KANSL3: variants seen among roughly 807,000 people sequenced by gnomAD.
KANSL3 encodes NSL complex protein NSL3.
Under a neutral mutation model 89.2 loss-of-function variants are expected in KANSL3, and 16 were observed. The observed-to-expected ratio is 0.18, with a 90% confidence interval of 0.12 to 0.27. KANSL3 has a LOEUF of 0.27. Among genes scored for constraint, KANSL3 ranks in the 10% least tolerant of loss-of-function variants. The pLI is 1.00. For synonymous variants in KANSL3, 385 were observed against 419.7 expected, an observed-to-expected ratio of 0.92 and a Z score of 1.01; for missense variants, 879 against 1,110.6, an observed-to-expected ratio of 0.79 and a Z score of 2.96.
At chr2:96,633,640 C>T (rs1028061685) in intron 2 of KANSL3, among the ~76,000 whole-genome samples, 2 of 150,916 alleles carry the variant, frequency 1.3e-5, no homozygotes, top group Non-Finnish European at 2.9e-5. Flanking sequence ...CAGAGGCATG[C>T]GGATTGCCTG....
At chr2:96,637,229 ATTTCTC>A in intron 1 of KANSL3, 44 bp from the exon 2 acceptor site, 3 of 714,176 alleles carry the variant, frequency 4.2e-6, no homozygotes, top group Admixed American at 2.8e-5. Context: ...AATATCCTAA[ATTTCTC>A]CCAATCTACA....
chr2:96,608,920 C>G lies in KANSL3; in HGVS notation c.1528G>C (p.Gly510Arg). ...RDLAFEVPER[G>R]SRPASPAAKL... The stretch of plus-strand genomic sequence containing the variant: ...GCAGCTGGGGAGGCAGGTCGACTGC[C>G]CCGCTCAGGGACTTCAAAGGCCAAG... The change falls in exon 13 of 21, where the codon GGC becomes CGC. Residue 510 changes from glycine to arginine, a missense_variant. Coordinates refer to ENST00000431828, the MANE Select transcript of KANSL3 (RefSeq NM_001115016.3). The G allele has an allele frequency of 6.4e-7, 1 of 1,571,610 alleles. No individual in the cohort carries two copies.
chr2:96,600,820 T>C, intron 20 of KANSL3: 2 of 985,422 alleles, frequency 2.0e-6, no homozygotes, highest in Non-Finnish European at 2.4e-6. Flanking sequence ...AACCTAGCTG[T>C]GCCCTAAAAA....
chr2:96,634,825 G>C (rs2074022578), intron 2 of KANSL3, among the ~76,000 whole-genome samples: 1 of 152,192 alleles, frequency 6.6e-6, no homozygotes, highest in Non-Finnish European at 1.5e-5. Flanking sequence ...GTAGCTAAAA[G>C]AGAACTCTTG....
At chr2:96,622,014 C>G (rs754579450) in intron 3 of KANSL3, among the ~76,000 whole-genome samples, 1 of 151,208 alleles carries the variant, frequency 6.6e-6, no homozygotes, top group African/African-American at 2.4e-5. Flanking sequence ...CTTGGGAGGC[C>G]GAGGCAAAAG....
intron 19 of KANSL3, 77 bp downstream of exon 19, chr2:96,602,039 T>C: frequency 7.2e-7 from 1 of 1,395,104 alleles, no homozygotes; most frequent in East Asian, 2.5e-5. Context: ...CATCATACCT[T>C]GCCCACATGA....
the KANSL3 span, among the ~76,000 whole-genome samples, chr2:96,582,533 T>C: frequency 6.6e-6 from 1 of 152,244 alleles, no homozygotes; most frequent in Non-Finnish European, 1.5e-5. Flanking sequence ...TAGTTTGGAC[T>C]TCTCTTCTGT....
intron 18 of KANSL3, 105 bp from the exon 19 acceptor site, chr2:96,602,443 C>CA: frequency 1.2e-6 from 1 of 811,154 alleles, no homozygotes; most frequent in Non-Finnish European, 2.0e-6. Context: ...GTATTGAGTG[C>CA]CTACTACATG....
intron 5 of KANSL3, 28 bp from the exon 6 acceptor site, chr2:96,613,647 T>C (rs2069409755): frequency 1.2e-6 from 2 of 1,606,588 alleles, no homozygotes; most frequent in African/African-American, 1.3e-5. Flanking sequence ...CAAAGATGAC[T>C]CCAGTGTAAA....
At chr2:96,608,478 C>G (rs1432766871) in intron 14 of KANSL3, 30 bp downstream of exon 14, 1 of 1,612,516 alleles carries the variant, frequency 6.2e-7, no homozygotes, top group Admixed American at 1.7e-5. Flanking sequence ...AAGACAGACC[C>G]AAGAGGAGCC....
At chr2:96,615,520 G>A in intron 5 of KANSL3, 4 of 1,287,666 alleles carry the variant, frequency 3.1e-6, no homozygotes, top group Non-Finnish European at 4.0e-6. Context: ...CGAATTCCAT[G>A]CTACCCACAA....
Position 96,593,291 on chromosome 2 carries a change from C to G in KANSL3, c.*2320G>C, listed in dbSNP as rs1000782296. On this transcript the variant is annotated 3_prime_UTR_variant, in exon 21 of 21. Coordinates refer to ENST00000431828, the MANE Select transcript of KANSL3 (RefSeq NM_001115016.3). ...GTGGTGAAACCAAGAGTAGACAGGT[C>G]TTCCTACCTCAGTGACCTCAAAACA... 2.2e-6 allele frequency: 1 copy of G among 455,976 alleles called. No homozygotes were observed. Among genetic ancestry groups the G allele is most frequent in the Non-Finnish European group, 4.4e-6 (1 of 226,808 alleles). The allele number at this position is 455,976 out of a possible 1,614,324, so 28.2% of individuals were successfully genotyped here.
chr2:96,589,514 T>C (rs182724653), downstream of KANSL3, among the ~76,000 whole-genome samples: 1 of 152,274 alleles, frequency 6.6e-6, no homozygotes, highest in Admixed American at 6.5e-5. Flanking sequence ...ATCCTAAAAG[T>C]GTATGTACCA....
At chr2:96,637,517 A>C (rs1349394200) in intron 1 of KANSL3, among the ~76,000 whole-genome samples, 2 of 152,172 alleles carry the variant, frequency 1.3e-5, no homozygotes, top group Non-Finnish European at 2.9e-5. Context: ...GTGGGCAGGA[A>C]GGGTTTTGAC....
chr2:96,627,051 T>C (rs190389789), intron 3 of KANSL3, among the ~76,000 whole-genome samples: 1 of 152,298 alleles, frequency 6.6e-6, no homozygotes, highest in East Asian at 1.9e-4. Flanking sequence ...TAAAAATCAT[T>C]CCACACAAAA....
At chr2:96,627,874 A>G (rs1039739696) in intron 3 of KANSL3, 8 of 1,278,916 alleles carry the variant, frequency 6.3e-6, no homozygotes, top group East Asian at 5.6e-5. Flanking sequence ...ACTGAAACTA[A>G]TAAGTTATCA....
chr2:96,587,099 T>A, the KANSL3 span, among the ~76,000 whole-genome samples: 1 of 152,230 alleles, frequency 6.6e-6, no homozygotes, highest in East Asian at 1.9e-4. Flanking sequence ...GGTGGCTGTC[T>A]CCTCAAATGT....
downstream of KANSL3, among the ~76,000 whole-genome samples, chr2:96,588,961 G>C (rs1365064786): frequency 6.6e-6 from 1 of 152,138 alleles, no homozygotes; most frequent in Non-Finnish European, 1.5e-5. Context: ...GGTTCTCAAA[G>C]TACATAGATA....
chr2:96,619,438 A>G lies in KANSL3; in HGVS notation c.584T>C (p.Leu195Pro). 6.2e-7 allele frequency: 1 copy of G among 1,613,982 alleles called. No homozygotes were observed. The highest frequency in any genetic ancestry group is 8.5e-7 in the Non-Finnish European group (1 of 1,179,876). Residue 195 changes from leucine to proline, a missense_variant, in exon 5 of 21, where the codon CTG becomes CCG. Physicochemically the swap from Leu to Pro is moderately conservative, Grantham distance 98. Transcript: ENST00000431828. Reference protein sequence around the residue: ...VSWDTKLIQWLHTTLVETLSL... With the variant: ...VSWDTKLIQWPHTTLVETLSL... Reference sequence around the variant, plus strand: ...CAAGGTCTCCACAAGGGTGGTGTGCAGCCACTGGATCAGCTTGGTATCCCA... The same window carrying G: ...CAAGGTCTCCACAAGGGTGGTGTGCGGCCACTGGATCAGCTTGGTATCCCA...
Sources: gnomAD v4.1 joint callset for allele counts (sites outside exome capture counted in the v4.1 genomes callset) on GRCh38, gnomAD v4.1.1 for gene constraint, MANE v1.5 for transcripts, NCBI Gene and HGNC (gene_info 2026-07-23, HGNC 2026-07-21) for gene names.